The following AFF2 variants were observed in gnomAD, a reference collection of about 807,000 sequenced individuals.
AFF2 encodes ALF transcription elongation factor 2, also known as AF4/FMR2 family member 2.
A neutral mutation model predicts 76.9 loss-of-function variants in AFF2; 14 were observed. The ratio of observed to expected loss-of-function variants is 0.18; its 90% CI spans 0.12 to 0.28. The LOEUF (loss-of-function observed/expected upper bound fraction) is 0.28. Among genes scored for constraint, AFF2 ranks in the 10% least tolerant of loss-of-function variants. The pLI, the probability that AFF2 is intolerant of heterozygous loss-of-function variation, is 1.00. For synonymous variants in AFF2, 398 were observed against 366.7 expected (o/e 1.09, Z -0.98); for missense variants, 868 against 1,001.1 (o/e 0.87, Z 1.79).
chrX:148,613,978 A>C (rs2124405894), intron 1 of AFF2, among the ~76,000 whole-genome samples: 1 of 112,328 alleles, frequency 8.9e-6, no homozygotes, highest in African/African-American at 3.2e-5. Flanking sequence ...CATTAAATTA[A>C]TAACAACTGT....
chrX:148,750,509 A>G (rs1227194778), intron 3 of AFF2, among the ~76,000 whole-genome samples: 1 of 111,107 alleles, frequency 9.0e-6, no homozygotes, highest in Non-Finnish European at 1.9e-5. Context: ...GAGCCTTTTC[A>G]GTAATCAGAT....
rs782757650 is a variant in AFF2 at position 148,953,582 on chromosome X, C to A, written c.1400C>A (p.Pro467Gln). 21 of 1,197,780 alleles carry A rather than the reference C, an allele frequency of 1.8e-5. No individual in the cohort carries two copies. In the East Asian group the frequency reaches 6.3e-4, roughly 36 times the overall value. Residue 467 changes from proline to glutamine, a missense_variant and splice_region_variant, in exon 10 of 21, where the codon CCA becomes CAA. Coordinates refer to ENST00000370460, the MANE Select transcript of AFF2 (RefSeq NM_002025.4). The stretch of plus-strand genomic sequence containing the variant: ...GAATTATGTTGTTTTTCTTTCAGCC[C>A]ACCCTTGGCCACTCCCCAGCCCCCA... The part of the protein sequence containing the change: ...KAKPRNNPVN[P>Q]PLATPQPPPA...
chrX:148,812,233 G>A lies in AFF2; in HGVS notation c.1086+2313G>A, dbSNP rs960629817. 7.2e-5 allele frequency among the ~76,000 whole-genome samples: 8 copies of A among 111,317 alleles called. No homozygotes were observed. In the East Asian group the frequency reaches 1.4e-3, roughly 20 times the overall value. On this transcript the variant is annotated intron_variant, in intron 4 of 20. Transcript: ENST00000370460. ...GCCTTAGAGGCCTGTGACGGGTTCCGCAGTAAATTTGTCACCTCATTCCCC... is the reference window on the plus strand; with the variant it reads ...GCCTTAGAGGCCTGTGACGGGTTCCACAGTAAATTTGTCACCTCATTCCCC...
At chrX:148,588,675 G>T (rs781816321) in intron 1 of AFF2, among the ~76,000 whole-genome samples, 1 of 112,006 alleles carries the variant, frequency 8.9e-6, no homozygotes, top group Admixed American at 9.5e-5. Context: ...AAAACAGTAT[G>T]CAATTTCTAC....
chrX:148,688,361 C>G (rs1225634450), intron 3 of AFF2, among the ~76,000 whole-genome samples: 1 of 111,443 alleles, frequency 9.0e-6, no homozygotes, highest in African/African-American at 3.3e-5. Context: ...AGTGTGCCAT[C>G]ATACTTTTAC....
At chrX:148,763,672 G>T (rs1569555116) in intron 3 of AFF2, among the ~76,000 whole-genome samples, 1 of 111,908 alleles carries the variant, frequency 8.9e-6, no homozygotes. Context: ...CAACATTGAG[G>T]AATATAGAAA....
rs1292869697 is a variant in AFF2 at position 148,500,772 on chromosome X, G to C, written c.-326G>C. ...GCCGCCGGCCCGCAGCCAGCCAGGC[G>C]GGCGGCCCAGCCCGCCTGAGCCCGC... is the stretch of plus-strand genomic sequence containing the variant. On this transcript the variant is annotated 5_prime_UTR_variant, in exon 1 of 21. Coordinates refer to ENST00000370460, the MANE Select transcript of AFF2 (RefSeq NM_002025.4). 1.0e-5 allele frequency: 1 copy of C among 98,474 alleles called. No individual in the cohort carries two copies. The highest frequency in any genetic ancestry group is 3.9e-4 in the South Asian group (1 of 2,551). The allele number at this position is 98,474 out of a possible 1,213,427, so 8.1% of individuals were successfully genotyped here.
At chrX:148,761,937 A>ATG (rs1204814192) in intron 3 of AFF2, among the ~76,000 whole-genome samples, 1 of 107,520 alleles carries the variant, frequency 9.3e-6, no homozygotes, top group Non-Finnish European at 1.9e-5. Flanking sequence ...GTGCATGTAT[A>ATG]TGTGTGTGTG....
intron 4 of AFF2, among the ~76,000 whole-genome samples, chrX:148,822,850 A>G (rs1422625484): frequency 9.0e-6 from 1 of 110,862 alleles, no homozygotes; most frequent in African/African-American, 3.3e-5. Context: ...TCCTGGCAAC[A>G]TGTTAACTGG....
chrX:148,649,035 T>TG (rs2054175606), intron 1 of AFF2, among the ~76,000 whole-genome samples: 1 of 111,727 alleles, frequency 9.0e-6, no homozygotes, highest in Admixed American at 9.5e-5. Context: ...TTCAGGTTTT[T>TG]GGCTTGAGCA....
chrX:148,722,528 A>G (rs1191594343), intron 3 of AFF2, among the ~76,000 whole-genome samples: 1 of 110,388 alleles, frequency 9.1e-6, no homozygotes, highest in Admixed American at 9.6e-5. Context: ...GTAGGCTGTC[A>G]AGCTGGCCTG....
chrX:148,537,180 T>G (rs1417599877), intron 1 of AFF2, among the ~76,000 whole-genome samples: 7 of 112,228 alleles, frequency 6.2e-5, no homozygotes, highest in African/African-American at 2.3e-4. Flanking sequence ...TAAAAATATT[T>G]CCCAGCTGCC....
At chrX:148,572,803 G>A (rs1189217143) in intron 1 of AFF2, among the ~76,000 whole-genome samples, 10 of 111,359 alleles carry the variant, frequency 9.0e-5, no homozygotes, top group African/African-American at 2.9e-4. Context: ...TATTTTTGAA[G>A]TAATAAAAAT....
At chrX:148,912,483 A>T (rs1306072831) in intron 9 of AFF2, among the ~76,000 whole-genome samples, 4 of 112,129 alleles carry the variant, frequency 3.6e-5, no homozygotes, top group Non-Finnish European at 5.6e-5. Context: ...GGGAAGAGGG[A>T]GAGGATTAGA....
chrX:148,945,022 C>T (rs1170462179), intron 9 of AFF2, among the ~76,000 whole-genome samples: 1 of 111,050 alleles, frequency 9.0e-6, no homozygotes, highest in East Asian at 2.8e-4. Flanking sequence ...TGCTCAGTAG[C>T]CCAGTTCCTG....
intron 1 of AFF2, among the ~76,000 whole-genome samples, chrX:148,562,710 T>C (rs2124310117): frequency 1.8e-5 from 2 of 111,784 alleles, no homozygotes; most frequent in East Asian, 5.7e-4. Context: ...CCAAGAATAA[T>C]AGATGTCTCC....
chrX:148,572,972 G>C (rs782174653), intron 1 of AFF2, among the ~76,000 whole-genome samples: 9 of 110,784 alleles, frequency 8.1e-5, no homozygotes, highest in African/African-American at 2.3e-4. Flanking sequence ...ATTCACTGAT[G>C]ATTCTTTGAA....
intron 1 of AFF2, among the ~76,000 whole-genome samples, chrX:148,532,150 A>G (rs2052737504): frequency 1.8e-5 from 2 of 112,036 alleles, no homozygotes; most frequent in South Asian, 7.4e-4. Flanking sequence ...TATTGTTTAA[A>G]CATGTTCAGA....
intron 9 of AFF2, among the ~76,000 whole-genome samples, chrX:148,922,995 C>T (rs1467699647): frequency 8.9e-6 from 1 of 111,793 alleles, no homozygotes; most frequent in East Asian, 2.8e-4. Flanking sequence ...GGGAGTTCAA[C>T]AGCCATGGGT....
Sources: gnomAD v4.1 joint callset for allele counts (sites outside exome capture counted in the v4.1 genomes callset) on GRCh38, gnomAD v4.1.1 for gene constraint, MANE v1.5 for transcripts, NCBI Gene and HGNC (gene_info 2026-07-23, HGNC 2026-07-21) for gene names.